The following NRP2 variants were observed in gnomAD, a reference collection of about 807,000 sequenced individuals.
NRP2 encodes the protein neuropilin-2.
In NRP2, 52 loss-of-function variants were observed where a neutral mutation model predicts 110.4. That is an observed-to-expected ratio of 0.47 (90% CI 0.38 to 0.59). The LOEUF is 0.59. Among genes scored for constraint, NRP2 ranks in the 20% least tolerant of loss-of-function variants. The pLI is 0.00. For synonymous variants in NRP2, 508 were observed against 468.9 expected, an observed-to-expected ratio of 1.08 and a Z score of -1.08; for missense variants, 1,049 against 1,203.0, an observed-to-expected ratio of 0.87 and a Z score of 1.89.
chr2:205,692,237 T>G (rs937582664), intron 1 of NRP2, among the ~76,000 whole-genome samples: 7 of 152,198 alleles, frequency 4.6e-5, no homozygotes, highest in African/African-American at 1.7e-4. Flanking sequence ...CTCCATAAAT[T>G]GAGTAGATTG....
rs372509246 is a variant in NRP2 at position 205,749,746 on chromosome 2, C to G, written c.1808C>G (p.Thr603Arg). The change falls in exon 11 of 17, where the codon ACG (threonine) becomes AGG (arginine). Residue 603 changes from threonine (T) to arginine (R), a missense_variant. Thr to Arg is a moderately conservative substitution (Grantham distance 71). Coordinates refer to ENST00000357785, the MANE Select transcript of NRP2 (RefSeq NM_003872.3). ...DWTDSKPTVE[T>R]LGPTVKSEET... Reference sequence around the variant, plus strand: ...ACAGACTCCAAGCCCACGGTAGAGACGCTGGGACCCACTGTGAAGAGCGAA... The same window carrying G: ...ACAGACTCCAAGCCCACGGTAGAGAGGCTGGGACCCACTGTGAAGAGCGAA... 6 of 1,614,006 alleles carry G rather than the reference C, an allele frequency of 3.7e-6. No homozygotes were observed. Among genetic ancestry groups the G allele is most frequent in the Non-Finnish European group, 4.2e-6 (5 of 1,179,978 alleles).
intron 3 of NRP2, among the ~76,000 whole-genome samples, chr2:205,718,787 C>G (rs1038715266): frequency 6.6e-6 from 1 of 151,972 alleles, no homozygotes; most frequent in Non-Finnish European, 1.5e-5. Flanking sequence ...ACTGAAAATA[C>G]AAAACTTAGC....
At chr2:205,772,054 G>C (rs747997111) in intron 15 of NRP2, among the ~76,000 whole-genome samples, 1 of 152,208 alleles carries the variant, frequency 6.6e-6, no homozygotes. Context: ...AGTTCCTCAG[G>C]GGACCCTGGG....
At chr2:205,767,133 G>T in intron 15 of NRP2, 1 of 425,084 alleles carries the variant, frequency 2.4e-6, no homozygotes, top group Non-Finnish European at 4.3e-6. Context: ...AGAGACTGTG[G>T]GAAGACTGAA....
intron 15 of NRP2, among the ~76,000 whole-genome samples, chr2:205,784,244 G>C (rs1412249437): frequency 7.2e-5 from 11 of 152,156 alleles, no homozygotes; most frequent in Non-Finnish European, 2.9e-5. Flanking sequence ...CTCCAGTAAC[G>C]ATGGGTGTGC....
At chr2:205,731,424 G>A (rs1348811180) in intron 7 of NRP2, among the ~76,000 whole-genome samples, 1 of 152,194 alleles carries the variant, frequency 6.6e-6, no homozygotes, top group Non-Finnish European at 1.5e-5. Context: ...AGAGCAATGG[G>A]AAGAGCTCAG....
At chr2:205,737,929 C>T (rs867774681) in intron 7 of NRP2, among the ~76,000 whole-genome samples, 3 of 152,192 alleles carry the variant, frequency 2.0e-5, no homozygotes, top group East Asian at 1.9e-4. Context: ...CTCATACATG[C>T]GAGTGCGTGC....
chr2:205,786,230 C>T (rs1055224143), intron 15 of NRP2, among the ~76,000 whole-genome samples: 1 of 152,124 alleles, frequency 6.6e-6, no homozygotes, highest in Non-Finnish European at 1.5e-5. Context: ...TGAATTAAAC[C>T]GAATTTTGAA....
intron 1 of NRP2, among the ~76,000 whole-genome samples, chr2:205,684,653 C>A (rs554330884): frequency 1.3e-5 from 2 of 152,334 alleles, no homozygotes; most frequent in African/African-American, 2.4e-5. Context: ...CAGATCCGCA[C>A]GTTTGCAGCT....
At position 205,686,400 on chromosome 2, in the gene NRP2, A is replaced by G. The variant is rs543756706; in HGVS notation, c.73+3037A>G. On this transcript the variant is annotated intron_variant, in intron 1 of 16. Coordinates refer to ENST00000357785, the MANE Select transcript of NRP2 (RefSeq NM_003872.3). The surrounding 1 kb of genome is among the most constrained non-coding windows in gnomAD (Gnocchi z 4.7). ...CAGCCGCCTCGCTCTTTGCTTTTCCACGTGAGAAAAAGAAATGTTCACGGC... is the reference window on the plus strand; with the variant it reads ...CAGCCGCCTCGCTCTTTGCTTTTCCGCGTGAGAAAAAGAAATGTTCACGGC... Among the ~76,000 whole-genome samples the G allele has an allele frequency of 2.8e-4, 43 of 152,220 alleles. No homozygotes were observed. Among genetic ancestry groups the G allele is most frequent in the African/African-American group, 9.9e-4 (41 of 41,562 alleles).
At chr2:205,746,012 C>A (rs56066979) in intron 10 of NRP2, 122 bp downstream of exon 10, 1,010 of 1,118,494 alleles carry the variant, frequency 9.0e-4, no homozygotes, top group Non-Finnish European at 1.3e-3. Flanking sequence ...ATGCTGCAGA[C>A]CCCTGCCATG....
chr2:205,736,679 G>A (rs963648909), intron 7 of NRP2, among the ~76,000 whole-genome samples: 6 of 152,300 alleles, frequency 3.9e-5, no homozygotes, highest in Admixed American at 6.5e-5. Context: ...GCCTATTATC[G>A]ACTTTATTTT....
At chr2:205,690,092 A>G (rs2056277124) in intron 1 of NRP2, among the ~76,000 whole-genome samples, 1 of 152,250 alleles carries the variant, frequency 6.6e-6, no homozygotes, top group African/African-American at 2.4e-5. Flanking sequence ...ATCCTGCGAT[A>G]ACCAGTAACC....
chr2:205,710,909 T>G (rs913763366), intron 2 of NRP2, among the ~76,000 whole-genome samples: 5 of 152,220 alleles, frequency 3.3e-5, no homozygotes, highest in Non-Finnish European at 7.3e-5. Flanking sequence ...AAATCTCAAA[T>G]CACTTTGACA....
Position 205,686,504 on chromosome 2 carries a change from G to A in NRP2, c.73+3141G>A, listed in dbSNP as rs543055163. ...GAGGCAAGGCGCGCTCTGATTGAAG[G>A]GCTGCCCCCGCCCTTCGACTCGGGC... On this transcript the variant is annotated intron_variant, in intron 1 of 16. Transcript: ENST00000357785. This position sits in a 1 kb window ranked among gnomAD's most constrained non-coding sequence, Gnocchi z 4.7. Among the ~76,000 whole-genome samples the A allele has an allele frequency of 1.3e-5, 2 of 152,364 alleles. No individual in the cohort carries two copies. The highest frequency in any genetic ancestry group is 4.8e-5 in the African/African-American group (2 of 41,598).
intron 1 of NRP2, among the ~76,000 whole-genome samples, chr2:205,693,528 A>C (rs116391679): frequency 0.015 from 2,256 of 152,278 alleles, 24 homozygotes; most frequent in Middle Eastern, 0.071. Flanking sequence ...GTTCAAGAAA[A>C]AAAAAAAGTA....
chr2:205,794,166 A>G (rs532976162), intron 16 of NRP2, among the ~76,000 whole-genome samples: 1 of 152,284 alleles, frequency 6.6e-6, no homozygotes, highest in East Asian at 1.9e-4. Context: ...GCTGGAGTGC[A>G]GTGGCGCAAT....
chr2:205,697,984 G>A, intron 2 of NRP2: 1 of 503,982 alleles, frequency 2.0e-6, no homozygotes, highest in African/African-American at 1.9e-5. Flanking sequence ...GGTAGTGGAG[G>A]AGAATTTCCA....
At chr2:205,776,291 C>T (rs1318455646) in intron 15 of NRP2, 1 of 1,613,230 alleles carries the variant, frequency 6.2e-7, no homozygotes, top group Non-Finnish European at 8.5e-7. Flanking sequence ...GACACGGTGC[C>T]CATGCAGCCC....
Sources: allele counts gnomAD v4.1 joint callset (sites outside exome capture counted in the v4.1 genomes callset), GRCh38; gene constraint gnomAD v4.1.1; non-coding constraint Gnocchi (gnomAD v3.1); transcripts MANE v1.5; gene names NCBI Gene and HGNC (gene_info 2026-07-23, HGNC 2026-07-21).